SPSB4: variants seen among roughly 807,000 people sequenced by gnomAD.
The protein encoded by SPSB4 is SPRY domain-containing SOCS box protein 4.
Under a neutral mutation model 20.9 loss-of-function variants are expected in SPSB4, and 21 were observed. That is an observed-to-expected ratio of 1.01 (90% CI 0.71 to 1.45). SPSB4 has a LOEUF of 1.45. Ranked by LOEUF, SPSB4 falls within the 40% of genes most tolerant of loss-of-function variation. The probability of loss-of-function intolerance (pLI) is 0.00; values close to 1 mark genes in which losing one functional copy is unlikely to be tolerated. For synonymous variants in SPSB4, 207 were observed against 183.8 expected (o/e 1.13, Z -1.02); for missense variants, 399 against 399.2 (o/e 1.00, Z 0.00).
chr3:141,076,086 AT>A (rs1938104088), intron 2 of SPSB4, among the ~76,000 whole-genome samples: 1 of 118,910 alleles, frequency 8.4e-6, no homozygotes, highest in African/African-American at 9.0e-5. Flanking sequence ...ATAAGATAAA[AT>A]AAAATGCGTA....
In SPSB4 at chr3:141,147,271, C is replaced by A; in HGVS notation, c.*2C>A. The stretch of plus-strand genomic sequence containing the variant: ...AAAAACTATCTGCAGTACCAGTGAG[C>A]CAAGCCTGATGGGCAGCACAGACAC... On this transcript the variant is annotated 3_prime_UTR_variant, in exon 3 of 3. Transcript: ENST00000310546. 1 of 1,614,162 alleles carries A rather than the reference C, an allele frequency of 6.2e-7. No homozygotes were observed. Among genetic ancestry groups the A allele is most frequent in the South Asian group, 1.1e-5 (1 of 91,078 alleles).
chr3:141,123,323 C>T (rs771312801), intron 2 of SPSB4, among the ~76,000 whole-genome samples: 103 of 152,328 alleles, frequency 6.8e-4, no homozygotes, highest in Non-Finnish European at 1.1e-3. Flanking sequence ...GTGTTGTCTC[C>T]GCCAATCTGC....
At chr3:141,067,985 T>C (rs1191206379) in intron 2 of SPSB4, among the ~76,000 whole-genome samples, 5 of 152,238 alleles carry the variant, frequency 3.3e-5, no homozygotes, top group African/African-American at 1.2e-4. Context: ...CCAGTTCTGA[T>C]GGCCCTGAAG....
chr3:141,143,033 G>T (rs1055088472), intron 2 of SPSB4, among the ~76,000 whole-genome samples: 1 of 151,816 alleles, frequency 6.6e-6, no homozygotes, highest in Non-Finnish European at 1.5e-5. Context: ...AGCCAGGATG[G>T]TCTCCATCTC....
chr3:141,112,427 C>T (rs1205266033), intron 2 of SPSB4, among the ~76,000 whole-genome samples: 6 of 151,778 alleles, frequency 4.0e-5, no homozygotes, highest in Admixed American at 2.0e-4. Flanking sequence ...GGGCGGATCA[C>T]GAGGTCAGGA....
intron 1 of SPSB4, among the ~76,000 whole-genome samples, chr3:141,055,178 G>T (rs1937617683): frequency 6.6e-6 from 1 of 152,198 alleles, no homozygotes; most frequent in South Asian, 2.1e-4. Context: ...TGAAGACAAA[G>T]TGGGTTGGAG....
chr3:141,099,053 T>C (rs1938581462), intron 2 of SPSB4, among the ~76,000 whole-genome samples: 1 of 152,192 alleles, frequency 6.6e-6, no homozygotes, highest in Admixed American at 6.5e-5. Flanking sequence ...AGCATTAACA[T>C]ATTTCTGAGC....
intron 2 of SPSB4, among the ~76,000 whole-genome samples, chr3:141,125,391 A>G (rs1159407652): frequency 1.3e-5 from 2 of 152,330 alleles, no homozygotes; most frequent in East Asian, 3.9e-4. Context: ...CTGGTGTTGC[A>G]GTAATATTAG....
At chr3:141,143,732 G>C (rs1939371648) in intron 2 of SPSB4, among the ~76,000 whole-genome samples, 1 of 152,240 alleles carries the variant, frequency 6.6e-6, no homozygotes, top group Admixed American at 6.5e-5. Context: ...GTAATGTCCT[G>C]AGTTGGTTGG....
In SPSB4 at chr3:141,086,077, C is replaced by A. The variant is rs866256114; in HGVS notation, c.694+19279C>A. On this transcript the variant is annotated intron_variant, in intron 2 of 2. Transcript: ENST00000310546. ...GTCACTAATGTAGCTGCAGCCTCAT[C>A]CCCTGGTGAGAGGTTTTCCAAAATG... 3.3e-5 allele frequency among the ~76,000 whole-genome samples: 5 copies of A among 152,346 alleles called. No individual in the cohort carries two copies. In the South Asian group the frequency reaches 1.0e-3, roughly 32 times the overall value.
At chr3:141,067,044 A>C (rs1251843826) in intron 2 of SPSB4, among the ~76,000 whole-genome samples, 1 of 152,258 alleles carries the variant, frequency 6.6e-6, no homozygotes, top group Non-Finnish European at 1.5e-5. Context: ...ATAAAGTAAT[A>C]GTAATCTAGC....
chr3:141,079,683 T>A lies in SPSB4; in HGVS notation c.694+12885T>A, dbSNP rs115997276. Among the ~76,000 whole-genome samples the A allele has an allele frequency of 8.8e-3, 1,342 of 152,194 alleles. 23 individuals are homozygous for A. The highest frequency in any genetic ancestry group is 0.03 in the African/African-American group (1,264 of 41,504). ...TTCCACTCTCATGGAGGAAACAGAG[T>A]AAACCAAGAATACATGCTTATGAAA... On this transcript the variant is annotated intron_variant, in intron 2 of 2. Transcript: ENST00000310546.
chr3:141,095,692 A>G (rs749207497), intron 2 of SPSB4, among the ~76,000 whole-genome samples: 3 of 152,126 alleles, frequency 2.0e-5, no homozygotes, highest in Non-Finnish European at 4.4e-5. Context: ...TGGAAAATCT[A>G]TCCCAGTGCT....
At chr3:141,092,174 A>G (rs1342762333) in intron 2 of SPSB4, among the ~76,000 whole-genome samples, 1 of 152,192 alleles carries the variant, frequency 6.6e-6, no homozygotes, top group African/African-American at 2.4e-5. Flanking sequence ...GACCTGGTGC[A>G]AGTCATTTCA....
At chr3:141,118,601 T>G (rs181027523) in intron 2 of SPSB4, among the ~76,000 whole-genome samples, 7 of 152,376 alleles carry the variant, frequency 4.6e-5, no homozygotes, top group Admixed American at 3.9e-4. Context: ...CTAGGTTTTC[T>G]TCTAGGGTTT....
At chr3:141,132,611 T>A (rs1939154409) in intron 2 of SPSB4, among the ~76,000 whole-genome samples, 2 of 152,082 alleles carry the variant, frequency 1.3e-5, no homozygotes, top group African/African-American at 4.8e-5. Flanking sequence ...ATGCCATTAT[T>A]TCATTCCTTT....
intron 2 of SPSB4, among the ~76,000 whole-genome samples, chr3:141,107,877 C>G (rs537120166): frequency 6.6e-6 from 1 of 151,876 alleles, no homozygotes; most frequent in Non-Finnish European, 1.5e-5. Context: ...ATCACTTGAA[C>G]GCAGGAGGTG....
At chr3:141,060,576 T>G (rs1333026641) in intron 1 of SPSB4, among the ~76,000 whole-genome samples, 4 of 152,238 alleles carry the variant, frequency 2.6e-5, no homozygotes, top group Non-Finnish European at 5.9e-5. Flanking sequence ...GTATGCAGTA[T>G]GTATGCATGT....
intron 2 of SPSB4, among the ~76,000 whole-genome samples, chr3:141,136,886 G>C (rs1462874136): frequency 6.6e-6 from 1 of 152,142 alleles, no homozygotes; most frequent in African/African-American, 2.4e-5. Context: ...GAAAGTCATT[G>C]GTAGCTTGAT....
Sources: gnomAD v4.1 joint callset for allele counts (sites outside exome capture counted in the v4.1 genomes callset) on GRCh38, gnomAD v4.1.1 for gene constraint, MANE v1.5 for transcripts, NCBI Gene and HGNC (gene_info 2026-07-23, HGNC 2026-07-21) for gene names.